SPOCD1: variants seen among roughly 807,000 people sequenced by gnomAD.
The protein encoded by SPOCD1 is SPOC domain-containing protein 1.
A neutral mutation model predicts 92.2 loss-of-function variants in SPOCD1; 64 were observed. The ratio of observed to expected loss-of-function variants is 0.69; its 90% CI spans 0.57 to 0.86. The LOEUF (loss-of-function observed/expected upper bound fraction) is 0.86. Among genes scored for constraint, SPOCD1 ranks in the 40% least tolerant of loss-of-function variants. SPOCD1 has a pLI of 0.00. For missense variants in SPOCD1, 1,360 were observed against 1,543.1 expected, an observed-to-expected ratio of 0.88 and a Z score of 1.99; for synonymous variants, 578 against 619.3, an observed-to-expected ratio of 0.93 and a Z score of 0.99.
At chr1:31,803,976 G>C (rs1178740865) in intron 2 of SPOCD1, among the ~76,000 whole-genome samples, 2 of 151,842 alleles carry the variant, frequency 1.3e-5, no homozygotes, top group Non-Finnish European at 2.9e-5. Context: ...AAAGAAATAG[G>C]GCTAAGAATT....
At chr1:31,794,014 C>A (rs1280991137) in intron 11 of SPOCD1, 110 bp downstream of exon 11, 1 of 1,506,930 alleles carries the variant, frequency 6.6e-7, no homozygotes, top group African/African-American at 1.4e-5. Flanking sequence ...GGCACGGGCA[C>A]CCCTGCTCTG....
intron 3 of SPOCD1, 151 bp from the exon 4 acceptor site, chr1:31,800,768 T>C (rs1384506329): frequency 4.3e-6 from 3 of 690,526 alleles, no homozygotes; most frequent in Non-Finnish European, 7.0e-6. Flanking sequence ...TGGTCCCCGC[T>C]GTATTTGCAA....
rs757308482 is a variant in SPOCD1, at chr1:31,792,672, AG to A, written c.2775+5del. ...AAAGAGGGGGTGCCCAAGAGTGGGC[AG>A]GTACCTTGGCCTTGGCTGGGCAGAT... On this transcript the variant is annotated splice_donor_5th_base_variant and intron_variant, in intron 14 of 15. Coordinates refer to ENST00000360482, the MANE Select transcript of SPOCD1 (RefSeq NM_144569.7). 6.3e-7 allele frequency: 1 copy of A among 1,591,056 alleles called. No individual in the cohort carries two copies. Among genetic ancestry groups the A allele is most frequent in the Non-Finnish European group, 8.6e-7 (1 of 1,168,198 alleles).
intron 13 of SPOCD1, among the ~76,000 whole-genome samples, chr1:31,792,979 C>T (rs915112254): frequency 1.3e-5 from 2 of 152,206 alleles, no homozygotes; most frequent in Non-Finnish European, 2.9e-5. Context: ...CCCCTCCCTC[C>T]CTCCTCTATC....
chr1:31,796,751 AG>A (rs1462700282), intron 9 of SPOCD1, 36 bp from the exon 10 acceptor site: 1 of 1,613,216 alleles, frequency 6.2e-7, no homozygotes, highest in East Asian at 2.2e-5. Context: ...GAGCCCAGTT[AG>A]GGGGCCTCTG....
At position 31,791,053 on chromosome 1, in the gene SPOCD1, A is replaced by G. The variant is rs745755724; in HGVS notation, c.3201T>C (p.Gly1067=). 1.2e-6 allele frequency: 2 copies of G among 1,612,494 alleles called. No individual in the cohort carries two copies. Among genetic ancestry groups the G allele is most frequent in the Non-Finnish European group, 1.7e-6 (2 of 1,179,754 alleles). ...CCCTGCCCTGGCTCTGCTGCCAGGCACCTCCTGGGGGAGGGGTGCCCTTCA... is the reference window on the plus strand; with the variant it reads ...CCCTGCCCTGGCTCTGCTGCCAGGCGCCTCCTGGGGGAGGGGTGCCCTTCA... The part of the protein sequence containing the change: ...VPLKGTPPPG[G]AWQQSQGRGS... The change falls in exon 16 of 16, where the codon GGT becomes GGC. Residue 1067 remains glycine (G), a synonymous_variant. Transcript: ENST00000360482.
intron 4 of SPOCD1, 70 bp from the exon 5 acceptor site, chr1:31,800,211 C>T: frequency 6.6e-7 from 1 of 1,522,138 alleles, no homozygotes; most frequent in Admixed American, 2.5e-5. Flanking sequence ...CCCAGATGTA[C>T]TGGAGGCCCA....
intron 12 of SPOCD1, 65 bp from the exon 13 acceptor site, chr1:31,793,493 T>C: frequency 6.5e-7 from 1 of 1,540,600 alleles, no homozygotes; most frequent in Non-Finnish European, 8.8e-7. Context: ...CGGCACCTCC[T>C]TTCTTTTCAG....
chr1:31,790,935 C>T lies in SPOCD1; in HGVS notation c.3319G>A (p.Gly1107Arg). ...GGCTCTGGGGGCCACTGCCCTCGCC[C>T]AGGATGCTGCCAGTTTTCAGGCTCT... ...WPEPENWQHP[G>R]RGQWPPEPGL... Residue 1107 changes from glycine (G) to arginine (R), a missense_variant, in exon 16 of 16, where the codon GGG becomes AGG. Coordinates refer to ENST00000360482, the MANE Select transcript of SPOCD1 (RefSeq NM_144569.7). 6.4e-7 allele frequency: 1 copy of T among 1,573,074 alleles called. No homozygotes were observed. The highest frequency in any genetic ancestry group is 1.2e-5 in the South Asian group (1 of 84,338).
Position 31,794,122 on chromosome 1 carries a change from A to C in SPOCD1, c.2383+2T>G. 1 of 1,604,598 alleles carries C rather than the reference A, an allele frequency of 6.2e-7. No individual in the cohort carries two copies. The highest frequency in any genetic ancestry group is 8.5e-7 in the Non-Finnish European group (1 of 1,172,708). ...CTGCACCCCTCCCGTGTCCCCTCCC[A>C]CCCTTGCAGATGTGGCAGTTGGGGT... On this transcript the variant is annotated splice_donor_variant, in intron 11 of 15. Coordinates refer to ENST00000360482, the MANE Select transcript of SPOCD1 (RefSeq NM_144569.7). LOFTEE classifies it high-confidence loss of function.
At chr1:31,792,152 C>T in intron 15 of SPOCD1, 63 bp downstream of exon 15, 1 of 1,525,606 alleles carries the variant, frequency 6.6e-7, no homozygotes, top group Non-Finnish European at 8.9e-7. Context: ...ACTGTGTCAA[C>T]CGTGCCTGGT....
chr1:31,806,826 T>C (rs888451480), intron 2 of SPOCD1, among the ~76,000 whole-genome samples: 5 of 152,186 alleles, frequency 3.3e-5, no homozygotes, highest in African/African-American at 1.2e-4. Context: ...GTGCTGGGAT[T>C]ACAGGCGTGA....
intron 14 of SPOCD1, 58 bp from the exon 15 acceptor site, chr1:31,792,459 C>T (rs761849152): frequency 1.3e-6 from 2 of 1,553,236 alleles, no homozygotes; most frequent in South Asian, 1.2e-5. Flanking sequence ...CCTGCCAACA[C>T]CCCTGGGCTC....
At chr1:31,805,023 C>T (rs1378671612) in intron 2 of SPOCD1, among the ~76,000 whole-genome samples, 1 of 130,642 alleles carries the variant, frequency 7.7e-6, no homozygotes, top group African/African-American at 2.9e-5. Context: ...GCTCTGTCAC[C>T]GAGGCTGGAA....
chr1:31,811,843 G>A (rs1649220998), intron 2 of SPOCD1, among the ~76,000 whole-genome samples: 1 of 152,220 alleles, frequency 6.6e-6, no homozygotes, highest in African/African-American at 2.4e-5. Context: ...GTCAAGGATG[G>A]AGCCTGGAGG....
chr1:31,792,244 G>A lies in SPOCD1; in HGVS notation c.2933C>T (p.Pro978Leu). The change falls in exon 15 of 16, where the codon CCC (proline) becomes CTC (leucine). Residue 978 changes from proline to leucine, a missense_variant. Physicochemically the swap from Pro to Leu is moderately conservative, Grantham distance 98. Transcript: ENST00000360482. ...GCCCCCCAAAGGGCGCAGCCTGGTG[G>A]GCAGGGGCTGGAAGGCAGGCAGGGG... is the stretch of plus-strand genomic sequence containing the variant. ...LLPLPAFQPL[P>L]TRLRPLGGPG... is the part of the protein sequence containing the mutation. The A allele has an allele frequency of 6.2e-7, 1 of 1,611,078 alleles. No individual in the cohort carries two copies. The highest frequency in any genetic ancestry group is 1.7e-5 in the Admixed American group (1 of 59,602).
chr1:31,800,495 G>A lies in SPOCD1; in HGVS notation c.1548C>T (p.Ala516=), dbSNP rs765205343. ...GCCTTTTCTTCCTTCTGAGCCTCTG[G>A]GCAGGTGAGGGTGAGCTGACCTCCA... ...DLMEVSSPSP[A]QRLRRKKRPM... The change falls in exon 4 of 16, where the codon GCC becomes GCT. Residue 516 remains alanine, a synonymous_variant. Coordinates refer to ENST00000360482, the MANE Select transcript of SPOCD1 (RefSeq NM_144569.7). 11 of 1,612,038 alleles carry A rather than the reference G, an allele frequency of 6.8e-6. No individual in the cohort carries two copies. The African/African-American group carries it at 1.5e-4, about 22-fold the overall frequency.
At chr1:31,812,778 G>A (rs906192899) in intron 2 of SPOCD1, among the ~76,000 whole-genome samples, 11 of 152,244 alleles carry the variant, frequency 7.2e-5, no homozygotes, top group East Asian at 3.8e-4. Flanking sequence ...AATACACAGA[G>A]AAGGCAGTGC....
chr1:31,805,571 T>C (rs1460308504), intron 2 of SPOCD1, among the ~76,000 whole-genome samples: 2 of 151,950 alleles, frequency 1.3e-5, no homozygotes, highest in African/African-American at 2.4e-5. Context: ...ACCAAAATTT[T>C]TTTTTAAAGA....
Sources: allele counts gnomAD v4.1 joint callset (sites outside exome capture counted in the v4.1 genomes callset), GRCh38; gene constraint gnomAD v4.1.1; transcripts MANE v1.5; gene names NCBI Gene and HGNC (gene_info 2026-07-23, HGNC 2026-07-21).